CAMSAP1: variants seen among roughly 807,000 people sequenced by gnomAD.
CAMSAP1 encodes the protein calmodulin regulated spectrin associated protein 1.
In CAMSAP1, 58 loss-of-function variants were observed where a neutral mutation model predicts 143.5. That is an observed-to-expected ratio of 0.40 (90% CI 0.33 to 0.50). CAMSAP1 has a LOEUF of 0.50. Ranked by LOEUF, CAMSAP1 falls within the 20% of genes least tolerant of loss-of-function variation. The pLI is 0.45. For synonymous variants in CAMSAP1, 945 were observed against 859.3 expected (o/e 1.10, Z -1.74); for missense variants, 1,969 against 2,115.7 (o/e 0.93, Z 1.36).
chr9:135,886,842 A>G (rs1366828394), intron 1 of CAMSAP1, among the ~76,000 whole-genome samples: 1 of 152,218 alleles, frequency 6.6e-6, no homozygotes, highest in Non-Finnish European at 1.5e-5. Flanking sequence ...AGGAGGCGTG[A>G]GCAGCAGGCC....
chr9:135,903,219 AATTT>A (rs1274419374), intron 1 of CAMSAP1, among the ~76,000 whole-genome samples: 1 of 152,206 alleles, frequency 6.6e-6, no homozygotes, highest in Non-Finnish European at 1.5e-5. Flanking sequence ...ACTTTCCACC[AATTT>A]ATTACAACTT....
intron 1 of CAMSAP1, among the ~76,000 whole-genome samples, chr9:135,905,582 A>G (rs1838753283): frequency 6.6e-6 from 1 of 152,234 alleles, no homozygotes; most frequent in Non-Finnish European, 1.5e-5. Flanking sequence ...GACACTCCAC[A>G]GCAGCGGAAA....
At chr9:135,865,376 G>T in intron 4 of CAMSAP1, 1 of 1,550,800 alleles carries the variant, frequency 6.4e-7, no homozygotes. Flanking sequence ...TGCTCAGGAA[G>T]CGAGAGAAGG....
chr9:135,818,453 G>T lies in CAMSAP1; in HGVS notation c.4123C>A (p.Arg1375=). The part of the protein sequence containing the change: ...PKKPRPKSVH[R]EESCSDSGTK... ...CCGGAGTCGCTGCACGACTCTTCCC[G>T]GTGCACCGACTTCGGCCGCGGCTTC... Residue 1375 remains arginine, a synonymous_variant, in exon 13 of 17, where the codon CGG becomes AGG. Coordinates refer to ENST00000389532, the MANE Select transcript of CAMSAP1 (RefSeq NM_015447.4). This position sits in a 1 kb window ranked among gnomAD's most constrained non-coding sequence, Gnocchi z 7.7. 1 of 1,601,136 alleles carries T rather than the reference G, an allele frequency of 6.2e-7. No individual in the cohort carries two copies. Among genetic ancestry groups the T allele is most frequent in the Non-Finnish European group, 8.5e-7 (1 of 1,177,262 alleles).
At chr9:135,840,589 G>C (rs1039004031) in intron 7 of CAMSAP1, among the ~76,000 whole-genome samples, 5 of 152,302 alleles carry the variant, frequency 3.3e-5, no homozygotes, top group Admixed American at 2.6e-4. Context: ...TGGCTGGCAA[G>C]ATCAAACAGC....
chr9:135,837,904 CGTT>C, intron 7 of CAMSAP1, among the ~76,000 whole-genome samples: 1 of 149,342 alleles, frequency 6.7e-6, no homozygotes, highest in East Asian at 2.1e-4. Context: ...TACAGACACA[CGTT>C]ATCACGCACT....
At chr9:135,848,936 C>T (rs1836673356) in intron 7 of CAMSAP1, among the ~76,000 whole-genome samples, 1 of 152,246 alleles carries the variant, frequency 6.6e-6, no homozygotes. Flanking sequence ...AACAGTGACT[C>T]CAAGTAACAC....
At chr9:135,864,573 G>C (rs1837308443) in intron 4 of CAMSAP1, among the ~76,000 whole-genome samples, 1 of 152,160 alleles carries the variant, frequency 6.6e-6, no homozygotes, top group South Asian at 2.1e-4. Context: ...CCCGAGAAAG[G>C]CACCACTGGC....
intron 7 of CAMSAP1, among the ~76,000 whole-genome samples, chr9:135,837,253 C>A (rs1013257024): frequency 4.6e-5 from 7 of 151,654 alleles, no homozygotes; most frequent in African/African-American, 1.7e-4. Flanking sequence ...GCACTTTCTA[C>A]CCCTTCTACA....
chr9:135,821,338 T>C lies in CAMSAP1; in HGVS notation c.3323A>G (p.Lys1108Arg), dbSNP rs763483823. The change falls in exon 11 of 17, where the codon AAG becomes AGG. Residue 1108 changes from lysine to arginine, a missense_variant. Lys to Arg is a conservative substitution (Grantham distance 26). This residue lies in a region of CAMSAP1 where 1,390 missense variants were observed against 1,420.8 expected (regional missense o/e 0.98). Transcript: ENST00000389532. This position sits in a 1 kb window ranked among gnomAD's most constrained non-coding sequence, Gnocchi z 4.6. ...GCCCTGTGGCCTGTCTTTTGGGACC[T>C]TCAGCTCCGCCGGCCTTCCGGAACG... ...NSRSGRPAEL[K>R]VPKDRPQGSS... is the part of the protein sequence containing the mutation. 1.2e-6 allele frequency: 2 copies of C among 1,613,572 alleles called. No homozygotes were observed. Among genetic ancestry groups the C allele is most frequent in the East Asian group, 2.2e-5 (1 of 44,866 alleles).
chr9:135,864,519 T>A (rs1048616912), intron 4 of CAMSAP1, among the ~76,000 whole-genome samples: 1 of 152,070 alleles, frequency 6.6e-6, no homozygotes, highest in African/African-American at 2.4e-5. Context: ...AGGCAGTTAA[T>A]GGAGTATGCA....
intron 3 of CAMSAP1, among the ~76,000 whole-genome samples, chr9:135,870,339 G>C (rs748938875): frequency 5.9e-5 from 9 of 152,104 alleles, no homozygotes; most frequent in Non-Finnish European, 1.2e-4. Context: ...TGTAAGACGT[G>C]CCTCTTCCCC....
intron 5 of CAMSAP1, among the ~76,000 whole-genome samples, chr9:135,858,916 G>C (rs1358694087): frequency 6.6e-6 from 1 of 152,198 alleles, no homozygotes; most frequent in Non-Finnish European, 1.5e-5. Context: ...CAGAGAGGGA[G>C]AGTCCCCCTC....
chr9:135,842,861 T>C (rs371718460), intron 7 of CAMSAP1, among the ~76,000 whole-genome samples: 9 of 152,134 alleles, frequency 5.9e-5, no homozygotes, highest in African/African-American at 2.2e-4. Context: ...AAGGAAAAAC[T>C]GGTACCAGCC....
intron 4 of CAMSAP1, 195 bp downstream of exon 4, chr9:135,866,261 G>T (rs955654): frequency 0.14 from 76,811 of 542,642 alleles, 6,294 homozygotes; most frequent in South Asian, 0.17. Flanking sequence ...CTTCCCAGGA[G>T]AGGCGGGGCA....
intron 5 of CAMSAP1, among the ~76,000 whole-genome samples, chr9:135,852,069 C>T (rs1836802661): frequency 1.3e-5 from 2 of 152,224 alleles, no homozygotes; most frequent in Non-Finnish European, 2.9e-5. Flanking sequence ...GCGTGAACAC[C>T]TCCTTCTCAA....
intron 16 of CAMSAP1, among the ~76,000 whole-genome samples, chr9:135,813,954 G>A (rs1835141219): frequency 6.6e-6 from 1 of 152,254 alleles, no homozygotes; most frequent in Non-Finnish European, 1.5e-5. Flanking sequence ...CCCCGCCTCT[G>A]TCTTCTCCCT....
chr9:135,876,000 G>C (rs566098210), intron 3 of CAMSAP1, among the ~76,000 whole-genome samples: 2 of 152,340 alleles, frequency 1.3e-5, no homozygotes, highest in Admixed American at 1.3e-4. Context: ...CTGTCACCCA[G>C]ACTAGAGTGC....
intron 7 of CAMSAP1, among the ~76,000 whole-genome samples, chr9:135,841,066 C>A (rs989198252): frequency 2.6e-5 from 4 of 152,120 alleles, no homozygotes; most frequent in African/African-American, 9.7e-5. Context: ...TGGATCCAAC[C>A]CCCACAGAGC....
Sources: gnomAD v4.1 joint callset for allele counts (sites outside exome capture counted in the v4.1 genomes callset) on GRCh38, gnomAD v4.1.1 for gene constraint, gnomAD v4.1.1 regional missense constraint, Gnocchi (gnomAD v3.1) non-coding constraint, MANE v1.5 for transcripts, NCBI Gene and HGNC (gene_info 2026-07-23, HGNC 2026-07-21) for gene names.